SYTL5: variants seen among roughly 807,000 people sequenced by gnomAD.
The protein encoded by SYTL5 is synaptotagmin-like protein 5.
SYTL5 carries 34 observed loss-of-function variants against 55.9 expected under a neutral mutation model. That is an observed-to-expected ratio of 0.61 (90% CI 0.46 to 0.81). The LOEUF (loss-of-function observed/expected upper bound fraction) is 0.81, where lower values mean the gene tolerates loss of function less well. Among genes scored for constraint, SYTL5 ranks in the 30% least tolerant of loss-of-function variants. The pLI, the probability that SYTL5 is intolerant of heterozygous loss-of-function variation, is 0.00. For missense variants in SYTL5, 637 were observed against 546.7 expected, an observed-to-expected ratio of 1.17 and a Z score of -1.65; for synonymous variants, 221 against 188.7, an observed-to-expected ratio of 1.17 and a Z score of -1.40.
At chrX:38,108,472 A>C (rs1937269744) in intron 11 of SYTL5, 128 bp from the exon 12 acceptor site, 2 of 469,420 alleles carry the variant, frequency 4.3e-6, no homozygotes, top group Non-Finnish European at 3.7e-6. Flanking sequence ...TTATATAGAC[A>C]AAATTCTCTT....
At chrX:37,973,233 C>A in the SYTL5 span, among the ~76,000 whole-genome samples, 1 of 111,251 alleles carries the variant, frequency 9.0e-6, no homozygotes, top group Non-Finnish European at 1.9e-5. Flanking sequence ...AAATAAAGCT[C>A]ATCTGATGAG....
At chrX:37,974,550 G>T in the SYTL5 span, among the ~76,000 whole-genome samples, 3 of 111,957 alleles carry the variant, frequency 2.7e-5, no homozygotes, top group South Asian at 1.1e-3. Context: ...CCACAGAATT[G>T]TGCACTTTAA....
the SYTL5 span, among the ~76,000 whole-genome samples, chrX:37,989,893 G>C: frequency 8.2e-5 from 9 of 109,801 alleles, no homozygotes; most frequent in Non-Finnish European, 1.7e-4. Context: ...TTATTTTTGA[G>C]ACCGAGTCCC....
At chrX:38,058,811 A>T (rs1423020631) in intron 3 of SYTL5, among the ~76,000 whole-genome samples, 1 of 111,489 alleles carries the variant, frequency 9.0e-6, no homozygotes, top group African/African-American at 3.2e-5. Flanking sequence ...TTCCTAGAAC[A>T]TCTTGAACCT....
At chrX:38,080,116 G>A (rs1364414068) in intron 6 of SYTL5, among the ~76,000 whole-genome samples, 1 of 111,177 alleles carries the variant, frequency 9.0e-6, no homozygotes, top group Non-Finnish European at 1.9e-5. Flanking sequence ...AGGGCTAAAG[G>A]GAAGGTCTCT....
At chrX:38,030,068 T>C (rs774040218) in intron 1 of SYTL5, among the ~76,000 whole-genome samples, 2 of 111,632 alleles carry the variant, frequency 1.8e-5, no homozygotes, top group Non-Finnish European at 3.8e-5. Context: ...CCCATCTCCA[T>C]AGGAGTCTTA....
the SYTL5 span, among the ~76,000 whole-genome samples, chrX:37,943,306 ACT>A: frequency 9.0e-6 from 1 of 111,286 alleles, no homozygotes; most frequent in African/African-American, 3.3e-5. Context: ...ATGTTTAAGG[ACT>A]CTTGCTAAAG....
At chrX:38,124,873 T>A (rs1287922980) in intron 15 of SYTL5, among the ~76,000 whole-genome samples, 1 of 111,401 alleles carries the variant, frequency 9.0e-6, no homozygotes, top group East Asian at 2.8e-4. Context: ...TTCCTACACA[T>A]AAGCTGAGCC....
Position 38,096,137 on chromosome X carries a change from A to G in SYTL5, c.965A>G (p.Gln322Arg). The G allele has an allele frequency of 8.7e-7, 1 of 1,146,678 alleles. No homozygotes were observed. The highest frequency in any genetic ancestry group is 1.2e-6 in the Non-Finnish European group (1 of 846,384). 94.5% of individuals were successfully genotyped at this position (1,146,678 alleles called of 1,213,427 possible). ...AVSGTSLSSDQSRSELDLSES... is the reference protein window; with the variant it reads ...AVSGTSLSSDRSRSELDLSES... ...CTTTTTCCTTTCCACCTTCCAGATC[A>G]GAGTCGATCTGAGTTAGATTTGAGT... The change falls in exon 9 of 17, where the codon CAG becomes CGG. Residue 322 changes from glutamine to arginine, a missense_variant. Transcript: ENST00000297875.
the SYTL5 span, among the ~76,000 whole-genome samples, chrX:37,979,814 C>CTT: frequency 9.7e-6 from 1 of 103,104 alleles, no homozygotes; most frequent in Non-Finnish European, 2.0e-5. Flanking sequence ...CTTTTCTTTT[C>CTT]TTTTTTTTTT....
At chrX:37,903,174 A>G in the SYTL5 span, among the ~76,000 whole-genome samples, 1 of 111,189 alleles carries the variant, frequency 9.0e-6, no homozygotes, top group East Asian at 2.8e-4. Flanking sequence ...TAGAAATACC[A>G]TTCGACCCCG....
the SYTL5 span, among the ~76,000 whole-genome samples, chrX:37,922,318 G>A: frequency 2.7e-5 from 3 of 111,611 alleles, no homozygotes; most frequent in Non-Finnish European, 5.7e-5. Flanking sequence ...GAGAGCCTCC[G>A]AGGTAAAGAT....
chrX:38,083,318 T>C (rs1323527024), intron 6 of SYTL5, among the ~76,000 whole-genome samples: 2 of 112,130 alleles, frequency 1.8e-5, no homozygotes, highest in East Asian at 2.8e-4. Flanking sequence ...CCCTTCCTCA[T>C]GGTAACTGTC....
rs181875541 is a variant in SYTL5 at position 38,090,316 on chromosome X, C to A, written c.831+729C>A. Among the ~76,000 whole-genome samples, 552 of 111,532 alleles carry A rather than the reference C, an allele frequency of 4.9e-3. 3 individuals are homozygous for A. The highest frequency in any genetic ancestry group is 0.017 in the African/African-American group (517 of 30,738). Reference sequence around the variant, plus strand: ...TTTTTAAAGTAGAAATTTTTATTTTCTTTTCTATACATCTGTTAACATAGG... The same window carrying A: ...TTTTTAAAGTAGAAATTTTTATTTTATTTTCTATACATCTGTTAACATAGG... On this transcript the variant is annotated intron_variant, in intron 7 of 16. Transcript: ENST00000297875.
At chrX:37,979,217 C>T in the SYTL5 span, among the ~76,000 whole-genome samples, 3 of 109,775 alleles carry the variant, frequency 2.7e-5, no homozygotes, top group Non-Finnish European at 3.8e-5. Context: ...AATATTTAAA[C>T]GGGAAAAGTG....
the SYTL5 span, among the ~76,000 whole-genome samples, chrX:37,938,375 C>G: frequency 8.9e-6 from 1 of 112,393 alleles, no homozygotes; most frequent in Non-Finnish European, 1.9e-5. Flanking sequence ...AACCTTGCAC[C>G]TTGACATGAA....
At chrX:37,895,398 T>C in the SYTL5 span, among the ~76,000 whole-genome samples, 1 of 110,143 alleles carries the variant, frequency 9.1e-6, no homozygotes, top group Non-Finnish European at 1.9e-5. Context: ...AAGTGTTCGA[T>C]TAGTTTTTCT....
chrX:38,028,031 C>T (rs1260859373), intron 1 of SYTL5, among the ~76,000 whole-genome samples: 2 of 110,448 alleles, frequency 1.8e-5, no homozygotes, highest in Non-Finnish European at 3.8e-5. Context: ...TCACTATGTT[C>T]GCCAGGCTGG....
At chrX:37,920,747 C>A in the SYTL5 span, among the ~76,000 whole-genome samples, 3 of 110,781 alleles carry the variant, frequency 2.7e-5, no homozygotes, top group Non-Finnish European at 5.7e-5. Flanking sequence ...GAGGATAGAC[C>A]GATTTGCAAT....
Sources: gnomAD v4.1 joint callset for allele counts (sites outside exome capture counted in the v4.1 genomes callset) on GRCh38, gnomAD v4.1.1 for gene constraint, MANE v1.5 for transcripts, NCBI Gene and HGNC (gene_info 2026-07-23, HGNC 2026-07-21) for gene names.